Variants in LGR4 observed in about 807,000 individuals in gnomAD.
LGR4 encodes the protein leucine rich repeat containing G protein-coupled receptor 4.
Under a neutral mutation model 84.8 loss-of-function variants are expected in LGR4, and 44 were observed. The observed-to-expected ratio is 0.52, with a 90% CI of 0.41 to 0.67. The LOEUF (loss-of-function observed/expected upper bound fraction) is 0.67. LGR4 is among the 30% of genes least tolerant of loss of function. The pLI is 0.00. For synonymous variants in LGR4, 429 were observed against 434.3 expected (o/e 0.99, Z 0.15); for missense variants, 1,032 against 1,131.4 (o/e 0.91, Z 1.26).
At chr11:27,377,377 G>C (rs561051913) in intron 11 of LGR4, among the ~76,000 whole-genome samples, 154 bp from the exon 12 acceptor site, 2 of 152,130 alleles carry the variant, frequency 1.3e-5, no homozygotes, top group African/African-American at 4.8e-5. Flanking sequence ...AGACTTGTCA[G>C]CTTCTCAAAT....
intron 4 of LGR4, among the ~76,000 whole-genome samples, chr11:27,390,584 A>T (rs1863265942): frequency 6.6e-6 from 1 of 152,206 alleles, no homozygotes; most frequent in Admixed American, 6.6e-5. Context: ...TATTTAGGAC[A>T]TGAAGTGAGG....
At position 27,367,790 on chromosome 11, in the gene LGR4, G is replaced by A; in HGVS notation, c.*77C>T. 2 of 1,076,252 alleles carry A rather than the reference G, an allele frequency of 1.9e-6. No individual in the cohort carries two copies. Among genetic ancestry groups the A allele is most frequent in the South Asian group, 1.6e-5 (1 of 61,338 alleles). 66.7% of individuals were successfully genotyped at this position (1,076,252 alleles called of 1,614,324 possible). A position where few individuals can be genotyped will look rare whatever the true frequency, so the allele number is the denominator to read the frequency against. On this transcript the variant is annotated 3_prime_UTR_variant, in exon 18 of 18. Coordinates refer to ENST00000379214, the MANE Select transcript of LGR4 (RefSeq NM_018490.5). Reference sequence around the variant, plus strand: ...GCAGTGATTACAGAAGTGCTTCCCAGATGAAAGATGAGAATAGGGTTCACT... The same window carrying A: ...GCAGTGATTACAGAAGTGCTTCCCAAATGAAAGATGAGAATAGGGTTCACT...
Position 27,384,414 on chromosome 11 carries a change from G to C in LGR4, c.618-7C>G, listed in dbSNP as rs1178210753. On this transcript the variant is annotated splice_polypyrimidine_tract_variant and splice_region_variant and intron_variant, in intron 5 of 17. Transcript: ENST00000379214. ...TTTATTGTTATGAAGATGCCTAAGGGGGAAAAAAAGCATAAAATGACTTTT... is the reference window on the plus strand; with the variant it reads ...TTTATTGTTATGAAGATGCCTAAGGCGGAAAAAAAGCATAAAATGACTTTT... 1 of 1,596,198 alleles carries C rather than the reference G, an allele frequency of 6.3e-7. No individual in the cohort carries two copies.
At chr11:27,453,423 T>C (rs577466224) in intron 1 of LGR4, among the ~76,000 whole-genome samples, 162 of 152,312 alleles carry the variant, frequency 1.1e-3, no homozygotes, top group Non-Finnish European at 1.7e-3. Flanking sequence ...CATATTCCTA[T>C]AGATATTGAC....
chr11:27,472,121 G>A lies in LGR4; in HGVS notation c.182C>T (p.Ala61Val). The A allele has an allele frequency of 1.7e-6, 2 of 1,165,828 alleles. No homozygotes were observed. Among genetic ancestry groups the A allele is most frequent in the Non-Finnish European group, 2.2e-6 (2 of 929,344 alleles). The allele number at this position is 1,165,828 out of a possible 1,614,324, so 72.2% of individuals were successfully genotyped here. ...CGTCCCCGCCGCCCGCACTCACAGCGCTTGGGTGAAGGCGCTGAGCCCCTC... is the reference window on the plus strand; with the variant it reads ...CGTCCCCGCCGCCCGCACTCACAGCACTTGGGTGAAGGCGCTGAGCCCCTC... ...VPEGLSAFTQ[A>V]LDISMNNITQ... The change falls in exon 1 of 18, where the codon GCG (alanine) becomes GTG (valine). Residue 61 changes from alanine (A) to valine (V), a missense_variant. Ala to Val is a moderately conservative substitution (Grantham distance 64). Transcript: ENST00000379214.
intron 1 of LGR4, among the ~76,000 whole-genome samples, chr11:27,414,009 A>G (rs1863763607): frequency 6.6e-6 from 1 of 152,022 alleles, no homozygotes; most frequent in Non-Finnish European, 1.5e-5. Context: ...TTGGCTTGGG[A>G]ATAACAGTAA....
chr11:27,452,625 T>G (rs1864500721), intron 1 of LGR4, among the ~76,000 whole-genome samples: 1 of 112,988 alleles, frequency 8.9e-6, no homozygotes, highest in Non-Finnish European at 1.7e-5. Context: ...CTTTTTGAGT[T>G]TTTTTTTTTT....
intron 2 of LGR4, among the ~76,000 whole-genome samples, chr11:27,408,772 T>C (rs1863657868): frequency 6.6e-6 from 1 of 152,192 alleles, no homozygotes; most frequent in Non-Finnish European, 1.5e-5. Context: ...CAAGGAAGAC[T>C]GCAATGTTTA....
rs2447995 is a variant in LGR4, at chr11:27,367,363, T to C, written c.*504A>G. The C allele has an allele frequency of 0.33, 49,667 of 152,580 alleles. 8,375 individuals are homozygous for C. The highest frequency in any genetic ancestry group is 0.37 in the Non-Finnish European group (25,056 of 68,024). 9.5% of individuals were successfully genotyped at this position (152,580 alleles called of 1,614,324 possible). A position where few individuals can be genotyped will look rare whatever the true frequency, so the allele number is the denominator to read the frequency against. ...TGAAAACATAATAAAGTAATGCCTA[T>C]GTATACTCTCACAGTTCTAGCTGGG... is the stretch of plus-strand genomic sequence containing the variant. On this transcript the variant is annotated 3_prime_UTR_variant, in exon 18 of 18. Coordinates refer to ENST00000379214, the MANE Select transcript of LGR4 (RefSeq NM_018490.5).
intron 11 of LGR4, among the ~76,000 whole-genome samples, chr11:27,377,866 A>G (rs11029985): frequency 0.22 from 33,705 of 152,104 alleles, 4,660 homozygotes; most frequent in Non-Finnish European, 0.32. Context: ...GACACCATAT[A>G]CAATGATATG....
chr11:27,423,388 G>A lies in LGR4; in HGVS notation c.186-10528C>T, dbSNP rs919628263. On this transcript the variant is annotated intron_variant, in intron 1 of 17. Transcript: ENST00000379214. Reference sequence around the variant, plus strand: ...CATCCCCATAATGCAGGCTTGTGGAGCAATCACTTCGCCTCAGGCGATGAG... The same window carrying A: ...CATCCCCATAATGCAGGCTTGTGGAACAATCACTTCGCCTCAGGCGATGAG... Among the ~76,000 whole-genome samples, 3 of 152,210 alleles carry A rather than the reference G, an allele frequency of 2.0e-5. No individual in the cohort carries two copies. In the East Asian group the frequency reaches 5.8e-4, roughly 29 times the overall value.
At chr11:27,396,149 C>A (rs11029995) in intron 2 of LGR4, among the ~76,000 whole-genome samples, 52,870 of 151,996 alleles carry the variant, frequency 0.35, 9,524 homozygotes, top group Non-Finnish European at 0.38. Flanking sequence ...GCCAGCATTC[C>A]AGTTCTCTTG....
chr11:27,470,726 A>C (rs983830609), intron 1 of LGR4, among the ~76,000 whole-genome samples: 4 of 151,838 alleles, frequency 2.6e-5, no homozygotes, highest in Non-Finnish European at 4.4e-5. Flanking sequence ...AAAAAAAAAA[A>C]ACCTCAAATA....
chr11:27,417,526 G>A (rs1319421982), intron 1 of LGR4, among the ~76,000 whole-genome samples: 1 of 152,116 alleles, frequency 6.6e-6, no homozygotes, highest in Non-Finnish European at 1.5e-5. Context: ...AAGTAGTAAA[G>A]ACACACATAA....
At chr11:27,471,190 A>C (rs1417735103) in intron 1 of LGR4, among the ~76,000 whole-genome samples, 1 of 152,172 alleles carries the variant, frequency 6.6e-6, no homozygotes, top group Non-Finnish European at 1.5e-5. Context: ...TCTCAAGGGA[A>C]CGTCTAAAGC....
chr11:27,376,721 C>A (rs76922300), intron 12 of LGR4, among the ~76,000 whole-genome samples: 10,692 of 152,142 alleles, frequency 0.07, 670 homozygotes, highest in African/African-American at 0.16. Flanking sequence ...GGAACCAAGA[C>A]AACACAACTA....
chr11:27,418,877 C>G (rs1863871725), intron 1 of LGR4, among the ~76,000 whole-genome samples: 1 of 149,310 alleles, frequency 6.7e-6, no homozygotes, highest in South Asian at 2.1e-4. Context: ...TTTGTTGCCC[C>G]AGGCTAGAAT....
intron 1 of LGR4, among the ~76,000 whole-genome samples, chr11:27,437,198 A>C (rs1317819822): frequency 1.3e-5 from 2 of 152,194 alleles, no homozygotes; most frequent in African/African-American, 4.8e-5. Context: ...CATGTAAGTT[A>C]GTCCAAATAT....
intron 1 of LGR4, among the ~76,000 whole-genome samples, chr11:27,414,869 G>A (rs1194185692): frequency 6.6e-6 from 1 of 152,092 alleles, no homozygotes; most frequent in Non-Finnish European, 1.5e-5. Flanking sequence ...TTCCTGGCCT[G>A]ACATGATATA....
Sources: gnomAD v4.1 joint callset for allele counts (sites outside exome capture counted in the v4.1 genomes callset) on GRCh38, gnomAD v4.1.1 for gene constraint, MANE v1.5 for transcripts, NCBI Gene and HGNC (gene_info 2026-07-23, HGNC 2026-07-21) for gene names.